The following LDB2 variants were observed in gnomAD, a reference collection of about 807,000 sequenced individuals.
LDB2 encodes LIM domain binding 2, also known as LIM domain-binding protein 2.
LDB2 carries 12 observed loss-of-function variants against 44.3 expected under a neutral mutation model. The ratio of observed to expected loss-of-function variants is 0.27; its 90% CI spans 0.17 to 0.44. LDB2 has a LOEUF of 0.44. Among genes scored for constraint, LDB2 ranks in the 20% least tolerant of loss-of-function variants. LDB2 has a pLI of 1.00. For synonymous variants in LDB2, 164 were observed against 174.8 expected (o/e 0.94, Z 0.49); for missense variants, 344 against 473.5 (o/e 0.73, Z 2.54).
chr4:16,766,398 T>TTA (rs1769213511), intron 1 of LDB2, among the ~76,000 whole-genome samples: 3 of 151,494 alleles, frequency 2.0e-5, no homozygotes, highest in Admixed American at 1.3e-4. Flanking sequence ...ATGTGTGCAT[T>TTA]TATATATATA....
intron 1 of LDB2, among the ~76,000 whole-genome samples, chr4:16,771,433 A>G (rs1770659451): frequency 6.6e-6 from 1 of 152,102 alleles, no homozygotes; most frequent in Non-Finnish European, 1.5e-5. Context: ...TACAGCTCCA[A>G]ACTTCTCCCT....
intron 1 of LDB2, chr4:16,889,281 T>C (rs1318240000): frequency 6.6e-6 from 1 of 152,194 alleles, no homozygotes; most frequent in Non-Finnish European, 1.5e-5. Context: ...CATATTATCA[T>C]GATTCATACC....
At chr4:16,527,112 C>T (rs1577388412) in intron 5 of LDB2, among the ~76,000 whole-genome samples, 1 of 152,270 alleles carries the variant, frequency 6.6e-6, no homozygotes, top group Middle Eastern at 3.4e-3. Flanking sequence ...TGTATTTTAT[C>T]TGGCACCCCA....
At chr4:16,765,634 A>G in intron 1 of LDB2, among the ~76,000 whole-genome samples, 1 of 152,216 alleles carries the variant, frequency 6.6e-6, no homozygotes, top group East Asian at 1.9e-4. Context: ...AATGGAGTAG[A>G]AAAATGGACT....
intron 5 of LDB2, among the ~76,000 whole-genome samples, chr4:16,525,888 C>T (rs1049432626): frequency 6.6e-6 from 1 of 152,166 alleles, no homozygotes; most frequent in African/African-American, 2.4e-5. Flanking sequence ...GAGATATCCA[C>T]ATTCTAATGG....
intron 2 of LDB2, among the ~76,000 whole-genome samples, chr4:16,659,603 ATG>A (rs1159353573): frequency 0.014 from 2,056 of 151,270 alleles, 49 homozygotes; most frequent in African/African-American, 0.048. Context: ...TCTAATATAT[ATG>A]AATTACACAC....
chr4:16,701,970 C>T (rs1326246268), intron 2 of LDB2, among the ~76,000 whole-genome samples: 3 of 152,164 alleles, frequency 2.0e-5, no homozygotes, highest in African/African-American at 7.2e-5. Flanking sequence ...ACTGTGGCTA[C>T]TACTATTGCT....
chr4:16,668,936 C>T (rs1744026345), intron 2 of LDB2, among the ~76,000 whole-genome samples: 1 of 152,160 alleles, frequency 6.6e-6, no homozygotes, highest in South Asian at 2.1e-4. Flanking sequence ...TCCAATCGCT[C>T]CTGCTACAGT....
At chr4:16,520,629 T>C (rs774402558) in intron 5 of LDB2, among the ~76,000 whole-genome samples, 10 of 152,174 alleles carry the variant, frequency 6.6e-5, no homozygotes, top group Non-Finnish European at 1.5e-4. Flanking sequence ...AGGGTGTCCC[T>C]CCGTTCTCAG....
intron 1 of LDB2, among the ~76,000 whole-genome samples, chr4:16,788,357 A>G (rs966095829): frequency 3.3e-5 from 5 of 152,312 alleles, no homozygotes; most frequent in East Asian, 1.9e-4. Context: ...TGTCATCTGC[A>G]TCAAGCTTCC....
At chr4:16,760,721 T>G (rs1315260369) in intron 1 of LDB2, among the ~76,000 whole-genome samples, 1 of 152,188 alleles carries the variant, frequency 6.6e-6, no homozygotes, top group Non-Finnish European at 1.5e-5. Context: ...AACAGGCAGC[T>G]TCACTCCACA....
chr4:16,671,984 A>G (rs2152558012), intron 2 of LDB2, among the ~76,000 whole-genome samples: 1 of 152,352 alleles, frequency 6.6e-6, no homozygotes, highest in East Asian at 1.9e-4. Context: ...CGCAATTTCC[A>G]GAGCTGCCTC....
chr4:16,672,522 T>A (rs1745058734), intron 2 of LDB2, among the ~76,000 whole-genome samples: 2 of 152,176 alleles, frequency 1.3e-5, no homozygotes, highest in East Asian at 1.9e-4. Context: ...TGTGTTCTAG[T>A]TTCTTTTTTA....
At chr4:16,778,260 A>G (rs750510370) in intron 1 of LDB2, among the ~76,000 whole-genome samples, 8 of 152,056 alleles carry the variant, frequency 5.3e-5, no homozygotes, top group Non-Finnish European at 1.0e-4. Context: ...GGACCATCAA[A>G]CCACTCCTCA....
intron 5 of LDB2, among the ~76,000 whole-genome samples, chr4:16,548,982 G>A (rs1422185894): frequency 3.9e-5 from 6 of 152,096 alleles, no homozygotes. Flanking sequence ...ATAGAAGCAT[G>A]GCGTCTTATA....
At chr4:16,672,589 A>T (rs1745085315) in intron 2 of LDB2, among the ~76,000 whole-genome samples, 1 of 152,190 alleles carries the variant, frequency 6.6e-6, no homozygotes, top group Non-Finnish European at 1.5e-5. Context: ...AAAACAGAAA[A>T]TCTGTTTAGG....
At chr4:16,721,932 TAA>T (rs987421024) in intron 2 of LDB2, among the ~76,000 whole-genome samples, 9 of 152,172 alleles carry the variant, frequency 5.9e-5, no homozygotes, top group Admixed American at 3.3e-4. Context: ...GCAAAGTAAA[TAA>T]AAGTTTCAAA....
intron 1 of LDB2, among the ~76,000 whole-genome samples, chr4:16,888,239 A>G (rs1722324579): frequency 6.6e-6 from 1 of 152,236 alleles, no homozygotes; most frequent in Admixed American, 6.5e-5. Context: ...GCCCCCATTC[A>G]GACAGCCCTG....
chr4:16,658,482 T>C (rs532091818), intron 2 of LDB2, among the ~76,000 whole-genome samples: 87 of 152,238 alleles, frequency 5.7e-4, no homozygotes, highest in African/African-American at 2.0e-3. Flanking sequence ...CAGGGAGTGA[T>C]GGAGTTTGGA....
Sources: gnomAD v4.1 joint callset for allele counts (sites outside exome capture counted in the v4.1 genomes callset) on GRCh38, gnomAD v4.1.1 for gene constraint, MANE v1.5 for transcripts, NCBI Gene and HGNC (gene_info 2026-07-23, HGNC 2026-07-21) for gene names.